The following FCRL5 variants were observed in gnomAD, a reference collection of about 807,000 sequenced individuals.
FCRL5 encodes the protein Fc receptor-like protein 5.
In FCRL5, 79 loss-of-function variants were observed where a neutral mutation model predicts 92.1. The ratio of observed to expected loss-of-function variants is 0.86; its 90% CI spans 0.72 to 1.03. The LOEUF is 1.03. Ranked by LOEUF, FCRL5 falls within the 50% of genes least tolerant of loss-of-function variation. The pLI, the probability that FCRL5 is intolerant of heterozygous loss-of-function variation, is 0.00. For synonymous variants in FCRL5, 466 were observed against 469.3 expected (o/e 0.99, Z 0.09); for missense variants, 1,160 against 1,181.1 (o/e 0.98, Z 0.26).
intron 8 of FCRL5, chr1:157,533,769 G>A (rs559333022): frequency 6.6e-6 from 1 of 150,946 alleles, no homozygotes; most frequent in Non-Finnish European, 1.5e-5. Flanking sequence ...TGCAGAATGA[G>A]TGAAGTCTAG....
intron 7 of FCRL5, among the ~76,000 whole-genome samples, chr1:157,538,683 T>C (rs1436278966): frequency 2.0e-5 from 3 of 152,220 alleles, no homozygotes; most frequent in Non-Finnish European, 4.4e-5. Flanking sequence ...TGGTTATTCA[T>C]TGATGTCTGA....
chr1:157,549,818 A>G (rs1651735430), intron 1 of FCRL5, among the ~76,000 whole-genome samples: 2 of 152,168 alleles, frequency 1.3e-5, no homozygotes, highest in Non-Finnish European at 2.9e-5. Flanking sequence ...TCTGCCATCA[A>G]GAAGTTGACT....
chr1:157,518,152 A>G (rs759917469), intron 15 of FCRL5, among the ~76,000 whole-genome samples: 1 of 152,214 alleles, frequency 6.6e-6, no homozygotes, highest in Non-Finnish European at 1.5e-5. Flanking sequence ...CAGTTTATGG[A>G]TAGGGATATG....
Position 157,520,537 on chromosome 1 carries a change from C to G in FCRL5, c.2526G>C (p.Ala842=). ...CTGTGGCAAAAGGGCCACTTCTGTT[C>G]GCGGTCAGCCCTGAGGGGGAGACCC... ...TVTLYITGLT[A]NRSGPFATGV... The change falls in exon 12 of 17, where the codon GCG becomes GCC. Residue 842 remains alanine (A), a synonymous_variant. Coordinates refer to ENST00000361835, the MANE Select transcript of FCRL5 (RefSeq NM_031281.3). The G allele has an allele frequency of 6.3e-7, 1 of 1,583,726 alleles. No individual in the cohort carries two copies.
intron 3 of FCRL5, among the ~76,000 whole-genome samples, chr1:157,546,663 G>A (rs1291568357): frequency 2.0e-5 from 3 of 152,128 alleles, no homozygotes; most frequent in Non-Finnish European, 4.4e-5. Context: ...TTGATAAGCT[G>A]CCCAGGCTTT....
intron 12 of FCRL5, 29 bp downstream of exon 12, chr1:157,520,402 C>G (rs577053881): frequency 3.3e-6 from 5 of 1,509,806 alleles, no homozygotes. Context: ...GGCATGAACT[C>G]AAGCCAAGGT....
rs760916319 is a variant in FCRL5 at position 157,552,297 on chromosome 1, C to T, written c.31+35G>A. 10 of 1,611,532 alleles carry T rather than the reference C, an allele frequency of 6.2e-6. No homozygotes were observed. In the Admixed American group the frequency reaches 8.3e-5, roughly 13 times the overall value. ...CGGTGGAGAGAGAAGCTGTCCCGAT[C>T]CCACCCAGGGCCCATGGTGAGCCCT... On this transcript the variant is annotated intron_variant, in intron 1 of 16. Coordinates refer to ENST00000361835, the MANE Select transcript of FCRL5 (RefSeq NM_031281.3).
rs138181956 is a variant in FCRL5, at chr1:157,521,179, G to A, written c.2353C>T (p.Arg785Trp). ...AGGGTGACATCCTCATGAAAAAACC[G>A]GTACAGGATCAGGGGAGAGCCTCTC... Reference protein sequence around the residue: ...ALRGSPLILYRFFHEDVTLGN... With the variant: ...ALRGSPLILYWFFHEDVTLGN... The change falls in exon 11 of 17, where the codon CGG becomes TGG. Residue 785 changes from arginine to tryptophan, a missense_variant. Physicochemically the swap from Arg to Trp is moderately radical, Grantham distance 101. Transcript: ENST00000361835. The A allele has an allele frequency of 6.2e-7, 1 of 1,614,110 alleles. No homozygotes were observed. The highest frequency in any genetic ancestry group is 2.2e-5 in the East Asian group (1 of 44,866).
chr1:157,522,503 A>C (rs2101600416), intron 10 of FCRL5: 1 of 152,342 alleles, frequency 6.6e-6, no homozygotes, highest in African/African-American at 2.4e-5. Context: ...ATGGCTTAAA[A>C]TTTATCCTCA....
rs1226005981 is a variant in FCRL5 at position 157,515,263 on chromosome 1, T to C, written c.*412A>G. 7.2e-6 allele frequency: 2 copies of C among 278,238 alleles called. No individual in the cohort carries two copies. The highest frequency in any genetic ancestry group is 2.2e-5 in the African/African-American group (1 of 46,072). 17.2% of individuals were successfully genotyped at this position (278,238 alleles called of 1,614,324 possible). A position where few individuals can be genotyped will look rare whatever the true frequency, so the allele number is the denominator to read the frequency against. ...AAATGCATCCACCCAAAGCAGGAAC[T>C]CTGTGTCGGAGTTTAGGAGCACCTG... On this transcript the variant is annotated 3_prime_UTR_variant, in exon 17 of 17. Coordinates refer to ENST00000361835, the MANE Select transcript of FCRL5 (RefSeq NM_031281.3).
intron 3 of FCRL5, among the ~76,000 whole-genome samples, chr1:157,546,569 G>C (rs1363311168): frequency 6.6e-6 from 1 of 151,988 alleles, no homozygotes; most frequent in Non-Finnish European, 1.5e-5. Context: ...TACCGGAGAG[G>C]CTTGTAAAAA....
At chr1:157,534,951 A>T (rs1650899026) in intron 7 of FCRL5, 59 bp from the exon 8 acceptor site, 33 of 1,484,822 alleles carry the variant, frequency 2.2e-5, no homozygotes, top group Non-Finnish European at 2.9e-5. Flanking sequence ...AGATTTCAAC[A>T]CTTGGCCAGT....
rs1009486303 is a variant in FCRL5 at position 157,515,188 on chromosome 1, C to T, written c.*487G>A. 8.9e-6 allele frequency: 2 copies of T among 224,268 alleles called. No individual in the cohort carries two copies. Among genetic ancestry groups the T allele is most frequent in the Non-Finnish European group, 1.8e-5 (2 of 112,382 alleles). The allele number at this position is 224,268 out of a possible 1,614,324, so 13.9% of individuals were successfully genotyped here. ...CCCATGTGCACAGGCTGTGTGCTGT[C>T]CCATTTGGCAGCACACTGCAGTAGC... On this transcript the variant is annotated 3_prime_UTR_variant, in exon 17 of 17. Transcript: ENST00000361835.
chr1:157,549,573 G>A lies in FCRL5; in HGVS notation c.39C>T (p.Val13=), dbSNP rs1164588920. ...AGGAGAACTCACCAAACTGTCCACT[G>A]ACAGGAGCTGCAAAAAAATAAGAGC... ...LWVILLVLAP[V]SGQFARTPRP... is the part of the protein sequence containing the mutation. Residue 13 remains valine, a synonymous_variant, in exon 2 of 17, where the codon GTC becomes GTT. Coordinates refer to ENST00000361835, the MANE Select transcript of FCRL5 (RefSeq NM_031281.3). 3.1e-6 allele frequency: 5 copies of A among 1,612,124 alleles called. No individual in the cohort carries two copies. Among genetic ancestry groups the A allele is most frequent in the Non-Finnish European group, 4.2e-6 (5 of 1,179,234 alleles).
Position 157,515,124 on chromosome 1 carries a change from G to A in FCRL5, c.*551C>T, listed in dbSNP as rs904627004. ...CTTAGAGTTTGAGACAGGTGGAGGA[G>A]TGTGAAATGCAGCCCCCGTGGGGAG... is the stretch of plus-strand genomic sequence containing the variant. On this transcript the variant is annotated 3_prime_UTR_variant, in exon 17 of 17. Transcript: ENST00000361835. The A allele has an allele frequency of 2.4e-5, 4 of 166,800 alleles. No homozygotes were observed. The highest frequency in any genetic ancestry group is 9.6e-5 in the African/African-American group (4 of 41,776). The allele number at this position is 166,800 out of a possible 1,614,324, so 10.3% of individuals were successfully genotyped here. A position where few individuals can be genotyped will look rare whatever the true frequency, so the allele number is the denominator to read the frequency against.
intron 1 of FCRL5, among the ~76,000 whole-genome samples, chr1:157,550,335 A>G (rs1002586998): frequency 6.6e-6 from 1 of 152,186 alleles, no homozygotes; most frequent in African/African-American, 2.4e-5. Context: ...TAATGGGACA[A>G]TATGAAGCAG....
At chr1:157,530,355 T>C (rs950893463) in intron 8 of FCRL5, among the ~76,000 whole-genome samples, 2 of 152,200 alleles carry the variant, frequency 1.3e-5, no homozygotes, top group African/African-American at 4.8e-5. Context: ...TTTGGAAATA[T>C]ATTACCTGAT....
intron 9 of FCRL5, among the ~76,000 whole-genome samples, chr1:157,525,267 T>C (rs1316266048): frequency 6.6e-6 from 1 of 152,218 alleles, no homozygotes; most frequent in Non-Finnish European, 1.5e-5. Context: ...CACAAAATGA[T>C]CTTTGAAATT....
intron 7 of FCRL5, 47 bp from the exon 8 acceptor site, chr1:157,534,939 G>A (rs762879713): frequency 2.1e-5 from 32 of 1,505,248 alleles, no homozygotes; most frequent in Non-Finnish European, 2.7e-5. Flanking sequence ...GCCTCTTACT[G>A]TAGATTTCAA....
Sources: gnomAD v4.1 joint callset for allele counts (sites outside exome capture counted in the v4.1 genomes callset) on GRCh38, gnomAD v4.1.1 for gene constraint, MANE v1.5 for transcripts, NCBI Gene and HGNC (gene_info 2026-07-23, HGNC 2026-07-21) for gene names.